OR8S1: variants seen among roughly 807,000 people sequenced by gnomAD.
The protein encoded by OR8S1 is olfactory receptor family 8 subfamily S member 1.
For synonymous variants in OR8S1, 150 were observed against 151.4 expected, an observed-to-expected ratio of 0.99 and a Z score of 0.07; for missense variants, 362 against 372.1, an observed-to-expected ratio of 0.97 and a Z score of 0.22.
Position 48,525,649 on chromosome 12 carries a change from C to G in OR8S1, c.18C>G (p.His6Gln), listed in dbSNP as rs373466329. ...CTTTGTAAATGGCCTTGGGGAATCA[C>G]AGCACCATCACCGAGTTCCTCCTCC... The change falls in exon 1 of 1, where the codon CAC (histidine) becomes CAG (glutamine). Residue 6 changes from histidine (H) to glutamine (Q), a missense_variant. Physicochemically the swap from His to Gln is conservative, Grantham distance 24 (BLOSUM62 0). Transcript: ENST00000641651. The G allele has an allele frequency of 3.0e-5, 49 of 1,612,670 alleles. No homozygotes were observed. The African/African-American group carries it at 6.1e-4, about 20-fold the overall frequency.
rs778233195 is a variant in OR8S1 at position 48,525,810 on chromosome 12, A to G, written c.179A>G (p.Tyr60Cys). 16 of 1,613,890 alleles carry G rather than the reference A, an allele frequency of 9.9e-6. No individual in the cohort carries two copies. The East Asian group carries it at 3.6e-4, about 36-fold the overall frequency. Residue 60 changes from tyrosine to cysteine, a missense_variant, in exon 1 of 1, where the codon TAT (tyrosine) becomes TGT (cysteine). Coordinates refer to ENST00000641651, the Ensembl canonical transcript of OR8S1. ...GATTCTTGTCTCCATAAGCCCATGTATTTCTTCCTGAGTCACCTCTCTTTT... is the reference window on the plus strand; with the variant it reads ...GATTCTTGTCTCCATAAGCCCATGTGTTTCTTCCTGAGTCACCTCTCTTTT...
chr12:48,526,137 G>A (rs1325948644), exon 1 of OR8S1: 10 of 1,614,130 alleles, frequency 6.2e-6, no homozygotes, highest in Non-Finnish European at 8.5e-6. Flanking sequence ...ATGGTCTTTT[G>A]TGAAGCCAAA....
Position 48,526,164 on chromosome 12 carries a change from GCTATGAGATGC to G in OR8S1, c.535_545del (p.Tyr179IlefsTer9), listed in dbSNP as rs1938217918. The G allele has an allele frequency of 6.2e-7, 1 of 1,614,042 alleles. No individual in the cohort carries two copies. Among genetic ancestry groups the G allele is most frequent in the African/African-American group, 1.3e-5 (1 of 75,016 alleles). On this transcript the variant is annotated frameshift_variant, in exon 1 of 1. Coordinates refer to ENST00000641651, the Ensembl canonical transcript of OR8S1. LOFTEE classifies it low-confidence loss of function (END_TRUNC). ...GAAGCCAAAATCATTCACCACTACA[GCTATGAGATGC>G]CATCCCTCCTCCCTCTGTCCTGCTC... is the stretch of plus-strand genomic sequence containing the variant.
chr12:48,526,437 A>C (rs534376137), exon 1 of OR8S1: 1 of 1,613,920 alleles, frequency 6.2e-7, no homozygotes, highest in South Asian at 1.1e-5. Context: ...TCCCCCATAG[A>C]GTTGATCTTC....
exon 1 of OR8S1, chr12:48,525,721 G>A (rs149245662): frequency 2.0e-4 from 326 of 1,614,014 alleles, no homozygotes; most frequent in Non-Finnish European, 1.0e-4. Context: ...TCTTTGTGCT[G>A]TTCCTGGGGA....
exon 1 of OR8S1, chr12:48,526,522 A>G: frequency 1.9e-6 from 3 of 1,595,798 alleles, no homozygotes; most frequent in Non-Finnish European, 2.6e-6. Flanking sequence ...AAGTGAAGGT[A>G]GCTCTGAAAA....
At chr12:48,525,884 C>G (rs747277518) in exon 1 of OR8S1, 5 of 1,614,192 alleles carry the variant, frequency 3.1e-6, no homozygotes, top group Middle Eastern at 1.6e-4. Flanking sequence ...GCTGGAGAAC[C>G]TCCTGTCACA....
At chr12:48,526,315 C>A (rs1938219763) in exon 1 of OR8S1, 2 of 1,613,996 alleles carry the variant, frequency 1.2e-6, no homozygotes, top group Admixed American at 1.7e-5. Context: ...TCCTAAGCAT[C>A]AGCTCTACCT....
chr12:48,525,792 G>A (rs755100576), exon 1 of OR8S1: 1 of 1,613,998 alleles, frequency 6.2e-7, no homozygotes, highest in South Asian at 1.1e-5. Context: ...GCTGATTCTT[G>A]TCTCCATAAG....
exon 1 of OR8S1, chr12:48,525,932 GTCT>G (rs1253376197): frequency 6.2e-7 from 1 of 1,614,074 alleles, no homozygotes; most frequent in African/African-American, 1.3e-5. Context: ...CCTGGCTCAG[GTCT>G]TCTTTGTGTT....
rs563865472 is a variant in OR8S1, at chr12:48,525,739, C to T, written c.108C>T (p.Leu36=). ...TTGTGCTGTTCCTGGGGATTTACCT[C>T]CTGACCATAATGGAAAACCTGATGC... Residue 36 remains leucine (L), a synonymous_variant, in exon 1 of 1, where the codon CTC becomes CTT. Transcript: ENST00000641651. 1.1e-4 allele frequency: 175 copies of T among 1,614,168 alleles called. 1 individual carries two copies. The Middle Eastern group carries it at 1.6e-3, about 15-fold the overall frequency.
At position 48,526,566 on chromosome 12, in the gene OR8S1, G is replaced by A. The variant is rs147547816; in HGVS notation, c.935G>A (p.Arg312His). ...GAAAAATATTTGCAATATACCAGAC[G>A]TTGAGTTAAAAAACAAACATTGTTG... Residue 312 changes from arginine to histidine, a missense_variant, in exon 1 of 1, where the codon CGT becomes CAT. Physicochemically the swap from Arg to His is conservative, Grantham distance 29. Coordinates refer to ENST00000641651, the Ensembl canonical transcript of OR8S1. 8.5e-5 allele frequency: 128 copies of A among 1,512,414 alleles called. 2 individuals carry two copies. The Middle Eastern group carries it at 1.7e-3, about 21-fold the overall frequency. The allele number at this position is 1,512,414 out of a possible 1,614,324, so 93.7% of individuals were successfully genotyped here. A position where few individuals can be genotyped will look rare whatever the true frequency, so the allele number is the denominator to read the frequency against.
exon 1 of OR8S1, chr12:48,525,873 T>G (rs1938213685): frequency 1.2e-6 from 2 of 1,614,086 alleles, no homozygotes; most frequent in South Asian, 2.2e-5. Context: ...GTGCCCAAGA[T>G]GCTGGAGAAC....
exon 1 of OR8S1, chr12:48,525,887 C>A: frequency 6.2e-7 from 1 of 1,614,206 alleles, no homozygotes; most frequent in Non-Finnish European, 8.5e-7. Context: ...GGAGAACCTC[C>A]TGTCACAGAG....
At chr12:48,526,109 G>A (rs1287278368) in exon 1 of OR8S1, 1 of 1,613,998 alleles carries the variant, frequency 6.2e-7, no homozygotes, top group African/African-American at 1.3e-5. Flanking sequence ...ACTCATCAAT[G>A]TCCTCCTAGC....
At chr12:48,526,027 T>C (rs1565580323) in exon 1 of OR8S1, 1 of 1,614,160 alleles carries the variant, frequency 6.2e-7, no homozygotes, top group East Asian at 2.2e-5. Flanking sequence ...CACTACTTTA[T>C]GGACAGATCA....
chr12:48,526,423 A>C, exon 1 of OR8S1: 1 of 1,614,042 alleles, frequency 6.2e-7, no homozygotes, highest in Non-Finnish European at 8.5e-7. Flanking sequence ...TGCCAAACTC[A>C]GGTTCCCCCA....
At chr12:48,526,076 T>G in exon 1 of OR8S1, 2 of 1,614,204 alleles carry the variant, frequency 1.2e-6, no homozygotes, top group Non-Finnish European at 1.7e-6. Flanking sequence ...GTGGGGCTCA[T>G]GGGGACTGGG....
At chr12:48,525,978 C>T in exon 1 of OR8S1, 3 of 1,614,190 alleles carry the variant, frequency 1.9e-6, no homozygotes, top group Non-Finnish European at 2.5e-6. Flanking sequence ...TGCCTTCTCT[C>T]AGGGATGGCC....
Sources: allele counts gnomAD v4.1 joint callset, GRCh38; gene constraint gnomAD v4.1.1; transcripts MANE v1.5; gene names NCBI Gene and HGNC (gene_info 2026-07-23, HGNC 2026-07-21).